NRP2: variants seen among roughly 807,000 people sequenced by gnomAD.
The protein encoded by NRP2 is neuropilin 2.
A neutral mutation model predicts 110.4 loss-of-function variants in NRP2; 52 were observed. The observed-to-expected ratio is 0.47, with a 90% confidence interval of 0.38 to 0.59. NRP2 has a LOEUF of 0.59. NRP2 is among the 20% of genes least tolerant of loss of function. NRP2 has a pLI of 0.00. For missense variants in NRP2, 1,049 were observed against 1,203.0 expected (o/e 0.87, Z 1.89); for synonymous variants, 508 against 468.9 (o/e 1.08, Z -1.08).
At chr2:205,739,367 A>C (rs62172965) in intron 7 of NRP2, among the ~76,000 whole-genome samples, 1 of 152,074 alleles carries the variant, frequency 6.6e-6, no homozygotes, top group Non-Finnish European at 1.5e-5. Context: ...ATAATTGTTT[A>C]TACTCAAAGA....
intron 1 of NRP2, among the ~76,000 whole-genome samples, chr2:205,691,851 T>C (rs1467505456): frequency 6.6e-6 from 1 of 152,172 alleles, no homozygotes; most frequent in African/African-American, 2.4e-5. Flanking sequence ...AGATGACAAA[T>C]AATAAGGTTA....
chr2:205,738,546 A>G (rs1198281083), intron 7 of NRP2, among the ~76,000 whole-genome samples: 1 of 150,774 alleles, frequency 6.6e-6, no homozygotes, highest in African/African-American at 2.4e-5. Flanking sequence ...GTCAGTCACC[A>G]CTCCCCTTGG....
intron 1 of NRP2, among the ~76,000 whole-genome samples, chr2:205,690,577 AATAC>A (rs1465005002): frequency 1.9e-5 from 2 of 105,002 alleles, no homozygotes; most frequent in African/African-American, 7.4e-5. Context: ...CCCTGCTAAA[AATAC>A]ACACACACAC....
chr2:205,728,446 C>G (rs1325411058), intron 7 of NRP2, among the ~76,000 whole-genome samples: 2 of 152,136 alleles, frequency 1.3e-5, no homozygotes, highest in Non-Finnish European at 2.9e-5. Flanking sequence ...TTACCGAGCT[C>G]TGGAAATGAA....
At chr2:205,685,643 G>C (rs1197109084) in intron 1 of NRP2, 2 of 152,358 alleles carry the variant, frequency 1.3e-5, no homozygotes, top group Non-Finnish European at 2.9e-5. Context: ...TCCTCACTGC[G>C]CCGCCTCGCC....
intron 15 of NRP2, among the ~76,000 whole-genome samples, chr2:205,784,474 G>T (rs904706725): frequency 6.6e-6 from 1 of 152,190 alleles, no homozygotes; most frequent in Non-Finnish European, 1.5e-5. Flanking sequence ...AGAGTGAGAT[G>T]GTAGTTATTA....
intron 9 of NRP2, chr2:205,743,826 C>A: frequency 2.0e-6 from 1 of 491,156 alleles, no homozygotes; most frequent in Non-Finnish European, 3.4e-6. Context: ...TCACTGCAAC[C>A]TCCGCCTCCA....
intron 2 of NRP2, among the ~76,000 whole-genome samples, chr2:205,698,498 C>T (rs2056484701): frequency 6.6e-6 from 1 of 152,134 alleles, no homozygotes; most frequent in Non-Finnish European, 1.5e-5. Flanking sequence ...TTCTGCCACC[C>T]TGGAAATGTG....
rs2058349183 is a variant in NRP2, at chr2:205,796,051, G to A, written c.*993G>A. The A allele has an allele frequency of 6.6e-6, 1 of 152,176 alleles. No individual in the cohort carries two copies. The highest frequency in any genetic ancestry group is 2.4e-5 in the African/African-American group (1 of 41,448). 9.4% of individuals were successfully genotyped at this position (152,176 alleles called of 1,614,324 possible). A position where few individuals can be genotyped will look rare whatever the true frequency, so the allele number is the denominator to read the frequency against. On this transcript the variant is annotated 3_prime_UTR_variant, in exon 17 of 17. Coordinates refer to ENST00000357785, the MANE Select transcript of NRP2 (RefSeq NM_003872.3). ...ATTCTCAGAGGCAGGGGAAAATAGA[G>A]GGAAAAATAGAGACTATTGGTATGT...
At chr2:205,719,474 A>G (rs1164934428) in intron 3 of NRP2, among the ~76,000 whole-genome samples, 1 of 125,822 alleles carries the variant, frequency 7.9e-6, no homozygotes. Context: ...GAACAGAAAC[A>G]AAAAAAAAAA....
intron 3 of NRP2, chr2:205,722,211 A>T (rs960342429): frequency 2.3e-6 from 1 of 434,628 alleles, no homozygotes; most frequent in Admixed American, 3.5e-5. Flanking sequence ...ACACACACAC[A>T]CTTCTCTGTA....
chr2:205,716,291 G>C lies in NRP2; in HGVS notation c.350G>C (p.Gly117Ala). The C allele has an allele frequency of 1.9e-6, 3 of 1,614,148 alleles. No homozygotes were observed. The highest frequency in any genetic ancestry group is 2.5e-6 in the Non-Finnish European group (3 of 1,180,028). The change falls in exon 3 of 17, where the codon GGC becomes GCC. Residue 117 changes from glycine (G) to alanine (A), a missense_variant. By Grantham distance (60) the Gly-to-Ala change is moderately conservative. Coordinates refer to ENST00000357785, the MANE Select transcript of NRP2 (RefSeq NM_003872.3). ...NIAPPTIISSGSMLYIKFTSD... is the reference protein window; with the variant it reads ...NIAPPTIISSASMLYIKFTSD... ...GCCCCGCCCACCATCATCTCCTCGG[G>C]CTCCATGCTCTACATCAAGTTCACC...
At chr2:205,694,451 A>G (rs1231645621) in intron 1 of NRP2, among the ~76,000 whole-genome samples, 2 of 152,150 alleles carry the variant, frequency 1.3e-5, no homozygotes, top group African/African-American at 4.8e-5. Context: ...GGATTTTGCT[A>G]TCTCTCTTCG....
chr2:205,792,490 C>T (rs2058312965), intron 16 of NRP2, among the ~76,000 whole-genome samples: 1 of 152,168 alleles, frequency 6.6e-6, no homozygotes, highest in South Asian at 2.1e-4. Context: ...TATTGAGTTC[C>T]TCTGCCTAAT....
intron 1 of NRP2, among the ~76,000 whole-genome samples, chr2:205,692,112 T>TA (rs2056326207): frequency 6.6e-6 from 1 of 152,198 alleles, no homozygotes. Flanking sequence ...TGCTTCCCTC[T>TA]CTCCTTCCCT....
chr2:205,732,200 C>T (rs2057253491), intron 7 of NRP2, among the ~76,000 whole-genome samples: 2 of 152,174 alleles, frequency 1.3e-5, no homozygotes. Flanking sequence ...CCACTAGGCT[C>T]ATTATTGTGG....
chr2:205,784,473 T>C (rs2058213694), intron 15 of NRP2, among the ~76,000 whole-genome samples: 1 of 152,206 alleles, frequency 6.6e-6, no homozygotes, highest in Non-Finnish European at 1.5e-5. Context: ...GAGAGTGAGA[T>C]GGTAGTTATT....
At chr2:205,752,025 C>G (rs1250751215) in intron 11 of NRP2, among the ~76,000 whole-genome samples, 1 of 152,188 alleles carries the variant, frequency 6.6e-6, no homozygotes, top group Non-Finnish European at 1.5e-5. Flanking sequence ...GTTCTGTCTT[C>G]AGGCTCAGGC....
intron 7 of NRP2, among the ~76,000 whole-genome samples, chr2:205,733,104 G>A (rs1213857546): frequency 6.6e-6 from 1 of 152,146 alleles, no homozygotes; most frequent in East Asian, 1.9e-4. Context: ...CAGTGCCCTA[G>A]GTAATTAAGT....
Sources: gnomAD v4.1 joint callset for allele counts (sites outside exome capture counted in the v4.1 genomes callset) on GRCh38, gnomAD v4.1.1 for gene constraint, MANE v1.5 for transcripts, NCBI Gene and HGNC (gene_info 2026-07-23, HGNC 2026-07-21) for gene names.